PRMT8: variants seen among roughly 807,000 people sequenced by gnomAD.
PRMT8 encodes protein arginine N-methyltransferase 8.
A neutral mutation model predicts 47.1 loss-of-function variants in PRMT8; 7 were observed. That is an observed-to-expected ratio of 0.15 (90% CI 0.08 to 0.28). The LOEUF is 0.28. PRMT8 is among the 10% of genes least tolerant of loss of function. PRMT8 has a pLI of 1.00. For missense variants in PRMT8, 237 were observed against 505.4 expected, an observed-to-expected ratio of 0.47 and a Z score of 5.09; for synonymous variants, 188 against 186.5, an observed-to-expected ratio of 1.01 and a Z score of -0.07.
At position 3,550,402 on chromosome 12, in the gene PRMT8, G is replaced by T. The variant is rs866969768; in HGVS notation, c.417+311G>T. On this transcript the variant is annotated intron_variant, in intron 3 of 9. Coordinates refer to ENST00000382622, the MANE Select transcript of PRMT8 (RefSeq NM_019854.5). This position sits in a 1 kb window ranked among gnomAD's most constrained non-coding sequence, Gnocchi z 5.1. ...GTCAGCTTCAGAGGCAGTGCAGGTG[G>T]TTACTCGGGGGAGCTCTGGTTTGAA... 8.2e-5 allele frequency: 25 copies of T among 304,080 alleles called. 1 individual carries two copies. The Middle Eastern group carries it at 6.8e-3, about 83-fold the overall frequency. 18.8% of individuals were successfully genotyped at this position (304,080 alleles called of 1,614,324 possible).
intron 8 of PRMT8, among the ~76,000 whole-genome samples, chr12:3,584,925 C>A (rs1275380657): frequency 6.6e-6 from 1 of 152,136 alleles, no homozygotes; most frequent in Non-Finnish European, 1.5e-5. Context: ...CCTCAGCTAC[C>A]TTTTCTTTAT....
intron 1 of PRMT8, among the ~76,000 whole-genome samples, chr12:3,519,046 A>G (rs1440187350): frequency 1.4e-4 from 21 of 152,188 alleles, no homozygotes; most frequent in Non-Finnish European, 8.8e-5. Context: ...CCACACAGCT[A>G]TATGTGGAAG....
chr12:3,583,317 G>A lies in PRMT8; in HGVS notation c.979+109G>A. 1.6e-6 allele frequency: 2 copies of A among 1,236,848 alleles called. No homozygotes were observed. The highest frequency in any genetic ancestry group is 2.2e-6 in the Non-Finnish European group (2 of 898,076). 76.6% of individuals were successfully genotyped at this position (1,236,848 alleles called of 1,614,324 possible). On this transcript the variant is annotated intron_variant, in intron 8 of 9. Transcript: ENST00000382622. This position sits in a 1 kb window ranked among gnomAD's most constrained non-coding sequence, Gnocchi z 4.7. ...CTTGGGGAGAAGGGGCTGGGTGTTA[G>A]CTGGGTGACACCTATCAACCCTCTC...
chr12:3,470,651 G>A (rs2137094763), intron 1 of PRMT8, among the ~76,000 whole-genome samples: 1 of 151,378 alleles, frequency 6.6e-6, no homozygotes, highest in East Asian at 1.9e-4. Flanking sequence ...GCAGGAGTGA[G>A]GCTGGCACAC....
chr12:3,407,575 A>G (rs763734335), intron 1 of PRMT8, among the ~76,000 whole-genome samples: 2 of 151,962 alleles, frequency 1.3e-5, no homozygotes, highest in Non-Finnish European at 2.9e-5. Flanking sequence ...TGACTATTTG[A>G]TTATAATATG....
Position 3,583,036 on chromosome 12 carries a change from TTC to T in PRMT8, c.829-16_829-15del. The T allele has an allele frequency of 6.2e-7, 1 of 1,607,224 alleles. No homozygotes were observed. Among genetic ancestry groups the T allele is most frequent in the South Asian group, 1.1e-5 (1 of 90,110 alleles). On this transcript the variant is annotated intron_variant, in intron 7 of 9. Coordinates refer to ENST00000382622, the MANE Select transcript of PRMT8 (RefSeq NM_019854.5). This position sits in a 1 kb window ranked among gnomAD's most constrained non-coding sequence, Gnocchi z 4.7. ...TGGTGGAGGCGATAAGTTCCCGGCA[TTC>T]TCTCTTCTCTGGGCTGCAGGAGGTG...
At chr12:3,480,078 C>T (rs1175109117) in intron 1 of PRMT8, among the ~76,000 whole-genome samples, 1 of 152,150 alleles carries the variant, frequency 6.6e-6, no homozygotes, top group Non-Finnish European at 1.5e-5. Flanking sequence ...AATGGACAAA[C>T]CCTGATGGGC....
chr12:3,489,521 T>C (rs1156507626), upstream of PRMT8, among the ~76,000 whole-genome samples: 1 of 152,132 alleles, frequency 6.6e-6, no homozygotes, highest in Non-Finnish European at 1.5e-5. Flanking sequence ...TCTTTTCTGA[T>C]TTCCTTTGAT....
In PRMT8 at chr12:3,392,385, C is replaced by T. The variant is rs1311901814; in HGVS notation, c.48+10943C>T. Among the ~76,000 whole-genome samples, 24 of 130,248 alleles carry T rather than the reference C, an allele frequency of 1.8e-4. No individual in the cohort carries two copies. The Admixed American group carries it at 2.0e-3, about 11-fold the overall frequency. 85.4% of individuals were successfully genotyped at this position (130,248 alleles called of 152,430 possible). A position where few individuals can be genotyped will look rare whatever the true frequency, so the allele number is the denominator to read the frequency against. ...CCTCCCCCCACCCCACAACAGTCCC[C>T]AGAGTTTGATGTTCCCCTTCCTGTG... On this transcript the variant is annotated intron_variant, in intron 1 of 9. Transcript: ENST00000452611.
At chr12:3,440,832 C>T (rs980678286) in intron 1 of PRMT8, among the ~76,000 whole-genome samples, 1 of 152,150 alleles carries the variant, frequency 6.6e-6, no homozygotes, top group South Asian at 2.1e-4. Flanking sequence ...CCTTCTGTGC[C>T]TGGAATAATC....
chr12:3,392,561 A>G (rs1458044282), intron 1 of PRMT8, among the ~76,000 whole-genome samples: 2 of 150,900 alleles, frequency 1.3e-5, no homozygotes, highest in South Asian at 2.1e-4. Context: ...TTATGGCTGC[A>G]TAGTATTCCA....
At chr12:3,560,477 C>A (rs1243997053) in intron 4 of PRMT8, among the ~76,000 whole-genome samples, 1 of 152,208 alleles carries the variant, frequency 6.6e-6, no homozygotes, top group Non-Finnish European at 1.5e-5. Context: ...AGTGACTCCT[C>A]TTTGACTTAA....
intron 1 of PRMT8, among the ~76,000 whole-genome samples, chr12:3,479,012 C>T (rs987892499): frequency 3.3e-5 from 5 of 152,198 alleles, no homozygotes; most frequent in Non-Finnish European, 7.3e-5. Context: ...AAAGAGGAGG[C>T]CAAGGGGCGG....
chr12:3,397,563 C>T (rs571384554), intron 1 of PRMT8, among the ~76,000 whole-genome samples: 118 of 151,600 alleles, frequency 7.8e-4, no homozygotes, highest in Non-Finnish European at 1.1e-3. Flanking sequence ...AGGCAGTCTG[C>T]CCGTTCTCAG....
chr12:3,514,225 T>TTTC lies in PRMT8; in HGVS notation c.75+22525_75+22526insTTC, dbSNP rs1475038543. Among the ~76,000 whole-genome samples, 1 of 151,848 alleles carries TTTC rather than the reference T, an allele frequency of 6.6e-6. No individual in the cohort carries two copies. Among genetic ancestry groups the TTTC allele is most frequent in the African/African-American group, 2.4e-5 (1 of 41,280 alleles). ...ATTCATCCTGCCTTTTTTTTTTTTTTCTGTTACCCCTAAGGTGCTCTTTTG... is the reference window on the plus strand; with the variant it reads ...ATTCATCCTGCCTTTTTTTTTTTTTTTTCCTGTTACCCCTAAGGTGCTCTTTTG... On this transcript the variant is annotated intron_variant, in intron 1 of 9. Transcript: ENST00000382622. The surrounding 1 kb of genome is among the most constrained non-coding windows in gnomAD (Gnocchi z 5.9).
chr12:3,419,933 A>T (rs2137060439), intron 1 of PRMT8, among the ~76,000 whole-genome samples: 1 of 136,954 alleles, frequency 7.3e-6, no homozygotes, highest in East Asian at 2.5e-4. Flanking sequence ...GCCAAGAAAG[A>T]TCACAGGAAT....
chr12:3,549,226 T>G (rs751412065), intron 2 of PRMT8, among the ~76,000 whole-genome samples: 4 of 152,194 alleles, frequency 2.6e-5, no homozygotes, highest in Non-Finnish European at 5.9e-5. Context: ...AAAGCCCTTT[T>G]ACTGAACCAG....
At chr12:3,516,623 A>G (rs1196857479) in intron 1 of PRMT8, among the ~76,000 whole-genome samples, 1 of 152,194 alleles carries the variant, frequency 6.6e-6, no homozygotes, top group African/African-American at 2.4e-5. Flanking sequence ...GGCATTCTGA[A>G]AAGGTGACAT....
At chr12:3,574,385 G>C (rs1866902692) in intron 6 of PRMT8, among the ~76,000 whole-genome samples, 1 of 152,242 alleles carries the variant, frequency 6.6e-6, no homozygotes, top group Non-Finnish European at 1.5e-5. Context: ...CTCAAATCTG[G>C]AGATTCTGAT....
Sources: gnomAD v4.1 joint callset for allele counts (sites outside exome capture counted in the v4.1 genomes callset) on GRCh38, gnomAD v4.1.1 for gene constraint, Gnocchi (gnomAD v3.1) non-coding constraint, MANE v1.5 for transcripts, NCBI Gene and HGNC (gene_info 2026-07-23, HGNC 2026-07-21) for gene names.